Variants in IGFALS observed in about 807,000 individuals in gnomAD.
IGFALS encodes the protein insulin like growth factor binding protein acid labile subunit.
Under a neutral mutation model 2.6 loss-of-function variants are expected in IGFALS, and 2 were observed. The ratio of observed to expected loss-of-function variants is 0.77; its 90% CI spans 0.32 to 2.44. IGFALS has a LOEUF of 2.44. Among genes scored for constraint, IGFALS ranks in the 30% most tolerant of loss-of-function variants. The probability of loss-of-function intolerance (pLI) is 0.11; values close to 1 mark genes in which losing one functional copy is unlikely to be tolerated. For synonymous variants in IGFALS, 519 were observed against 431.9 expected (o/e 1.20, Z -2.50); for missense variants, 996 against 848.7 (o/e 1.17, Z -2.16).
rs2230053 is a variant in IGFALS, at chr16:1,790,852, C to T, written c.1566G>A (p.Thr522=). The T allele has an allele frequency of 8.8e-3, 13,807 of 1,565,800 alleles. 437 individuals are homozygous for T. In the East Asian group the frequency reaches 0.1, roughly 12 times the overall value. The change falls in exon 2 of 2, where the codon ACG becomes ACA. Residue 522 remains threonine (T), a synonymous_variant. Coordinates refer to ENST00000215539, the MANE Select transcript of IGFALS (RefSeq NM_004970.3). Reference sequence around the variant, plus strand: ...GGCGCTCCAGGCCCGGGGGCTGCGGCGTGAAGGTCCGCAGTGAGTTGTTCC... The same window carrying T: ...GGCGCTCCAGGCCCGGGGGCTGCGGTGTGAAGGTCCGCAGTGAGTTGTTCC... The part of the protein sequence containing the change: ...SLRNNSLRTF[T]PQPPGLERLW...
Position 1,792,275 on chromosome 16 carries a change from C to G in IGFALS, c.143G>C (p.Ser48Thr). ...GPACPAACVCSYDDDADELSV... is the reference protein window; with the variant it reads ...GPACPAACVCTYDDDADELSV... ...GAGCTCATCCGCGTCGTCATCGTAGCTGCAGACACAGGCGGCCGGGCACGC... is the reference window on the plus strand; with the variant it reads ...GAGCTCATCCGCGTCGTCATCGTAGGTGCAGACACAGGCGGCCGGGCACGC... The change falls in exon 2 of 2, where the codon AGC (serine) becomes ACC (threonine). Residue 48 changes from serine (S) to threonine (T), a missense_variant. By Grantham distance (58) the Ser-to-Thr change is moderately conservative (BLOSUM62 1). Coordinates refer to ENST00000215539, the MANE Select transcript of IGFALS (RefSeq NM_004970.3). The G allele has an allele frequency of 6.2e-7, 1 of 1,600,656 alleles. No homozygotes were observed. The highest frequency in any genetic ancestry group is 8.5e-7 in the Non-Finnish European group (1 of 1,179,632).
chr16:1,792,451 G>A, intron 1 of IGFALS, 50 bp from the exon 2 acceptor site: 1 of 1,496,720 alleles, frequency 6.7e-7, no homozygotes, highest in South Asian at 1.3e-5. Flanking sequence ...CTCTGCCCGA[G>A]TGAGCCTGAT....
chr16:1,792,037 C>T lies in IGFALS; in HGVS notation c.381G>A (p.Leu127=), dbSNP rs748147670. The change falls in exon 2 of 2, where the codon CTG becomes CTA. Residue 127 remains leucine (L), a synonymous_variant. Coordinates refer to ENST00000215539, the MANE Select transcript of IGFALS (RefSeq NM_004970.3). ...ALLGLENLCH[L]HLERNQLRSL... ...TGCGCAGCTGGTTCCGCTCCAGGTG[C>T]AGGTGGCACAGGTTCTCTAGGCCCA... The T allele has an allele frequency of 1.9e-6, 3 of 1,610,544 alleles. No individual in the cohort carries two copies. Among genetic ancestry groups the T allele is most frequent in the Non-Finnish European group, 2.5e-6 (3 of 1,179,480 alleles).
In IGFALS at chr16:1,791,218, G is replaced by A; in HGVS notation, c.1200C>T (p.Arg400=). Residue 400 remains arginine, a synonymous_variant, in exon 2 of 2, where the codon CGC becomes CGT. Transcript: ENST00000215539. The part of the protein sequence containing the change: ...SLHLEGSCLG[R]IRPHTFTGLS... ...GGCCGGTGAAGGTGTGCGGGCGGATGCGTCCCAGGCAGCTGCCCTCCAGGT... is the reference window on the plus strand; with the variant it reads ...GGCCGGTGAAGGTGTGCGGGCGGATACGTCCCAGGCAGCTGCCCTCCAGGT... The A allele has an allele frequency of 6.2e-7, 1 of 1,608,076 alleles. No homozygotes were observed. Among genetic ancestry groups the A allele is most frequent in the Non-Finnish European group, 8.5e-7 (1 of 1,179,874 alleles).
chr16:1,790,532 G>A lies in IGFALS; in HGVS notation c.*68C>T, dbSNP rs1371178229. The stretch of plus-strand genomic sequence containing the variant: ...CTGGGCAGGCCCCTGAGGACACTGA[G>A]GACCTGTCCCCAGCACAAGGTGAGC... On this transcript the variant is annotated 3_prime_UTR_variant, in exon 2 of 2. Transcript: ENST00000215539. 2.2e-6 allele frequency: 3 copies of A among 1,349,130 alleles called. No homozygotes were observed. Among genetic ancestry groups the A allele is most frequent in the East Asian group, 5.0e-5 (2 of 40,026 alleles). 83.6% of individuals were successfully genotyped at this position (1,349,130 alleles called of 1,614,324 possible).
Position 1,790,783 on chromosome 16 carries a change from C to T in IGFALS, c.1635G>A (p.Lys545=). 1.9e-6 allele frequency: 3 copies of T among 1,578,634 alleles called. No individual in the cohort carries two copies. The highest frequency in any genetic ancestry group is 2.3e-5 in the South Asian group (2 of 86,708). ...TCTGCAGGGCGAAGTCCCGCAGCGC[C>T]TTGAGAGGGCAGCCACAGTCCCAGG... ...GNPWDCGCPL[K]ALRDFALQNP... is the part of the protein sequence containing the mutation. Residue 545 remains lysine (K), a synonymous_variant, in exon 2 of 2, where the codon AAG becomes AAA. Coordinates refer to ENST00000215539, the MANE Select transcript of IGFALS (RefSeq NM_004970.3).
At chr16:1,794,811 C>G, upstream of IGFALS, 1 of 701,968 alleles carries the variant, frequency 1.4e-6, no homozygotes, top group Non-Finnish European at 2.6e-6. Context: ...TTTCCAGGGC[C>G]CTACCCCATC....
chr16:1,791,263 C>T lies in IGFALS; in HGVS notation c.1155G>A (p.Leu385=). 2 of 1,609,218 alleles carry T rather than the reference C, an allele frequency of 1.2e-6. No individual in the cohort carries two copies. The highest frequency in any genetic ancestry group is 2.2e-5 in the East Asian group (1 of 44,870). ...CCAGGTGCAGGCTGTGCAGCTTGCC[C>T]AGGCCCCGGAACACCTGCTCCGGAA... ...RNLPEQVFRG[L]GKLHSLHLEG... is the part of the protein sequence containing the mutation. The change falls in exon 2 of 2, where the codon CTG becomes CTA. Residue 385 remains leucine, a synonymous_variant. Coordinates refer to ENST00000215539, the MANE Select transcript of IGFALS (RefSeq NM_004970.3).
At position 1,792,079 on chromosome 16, in the gene IGFALS, C is replaced by T; in HGVS notation, c.339G>A (p.Leu113=). 1 of 1,609,828 alleles carries T rather than the reference C, an allele frequency of 6.2e-7. No individual in the cohort carries two copies. Among genetic ancestry groups the T allele is most frequent in the Non-Finnish European group, 8.5e-7 (1 of 1,179,142 alleles). ...LNLQGGQLGS[L]EPQALLGLEN... ...CTAGGCCCAGCAGCGCCTGTGGCTC[C>T]AGGCTGCCCAGCTGGCCGCCCTGCA... The change falls in exon 2 of 2, where the codon CTG becomes CTA. Residue 113 remains leucine (L), a synonymous_variant. Transcript: ENST00000215539.
chr16:1,792,157 C>G lies in IGFALS; in HGVS notation c.261G>C (p.Ser87=), dbSNP rs779573837. The G allele has an allele frequency of 6.2e-7, 1 of 1,611,392 alleles. No individual in the cohort carries two copies. The highest frequency in any genetic ancestry group is 8.5e-7 in the Non-Finnish European group (1 of 1,179,704). ...QALWLDGNNL[S]SVPPAAFQNL... The stretch of plus-strand genomic sequence containing the variant: ...TCTGGAAGGCTGCCGGGGGGACGGA[C>G]GAGAGGTTGTTGCCGTCCAGCCACA... The change falls in exon 2 of 2, where the codon TCG becomes TCC. Residue 87 remains serine, a synonymous_variant. Coordinates refer to ENST00000215539, the MANE Select transcript of IGFALS (RefSeq NM_004970.3).
rs776813506 is a variant in IGFALS at position 1,791,782 on chromosome 16, C to T, written c.636G>A (p.Ala212=). The change falls in exon 2 of 2, where the codon GCG becomes GCA. Residue 212 remains alanine, a synonymous_variant. Transcript: ENST00000215539. ...GGAGCTCGGCCAGGCCGCTGAAGAGCGCGGGCTGCAGGTAGGCCAGCCTGT... is the reference window on the plus strand; with the variant it reads ...GGAGCTCGGCCAGGCCGCTGAAGAGTGCGGGCTGCAGGTAGGCCAGCCTGT... ...AGNRLAYLQP[A]LFSGLAELRE... 65 of 1,548,152 alleles carry T rather than the reference C, an allele frequency of 4.2e-5. No individual in the cohort carries two copies. The highest frequency in any genetic ancestry group is 2.4e-4 in the East Asian group (10 of 41,230).
upstream of IGFALS, chr16:1,793,837 T>C (rs1009993852): frequency 1.5e-5 from 8 of 547,306 alleles, no homozygotes; most frequent in South Asian, 2.0e-4. Context: ...CCCGGAGCCC[T>C]GGGGTGCAGA....
Position 1,792,360 on chromosome 16 carries a change from G to A in IGFALS, c.58C>T (p.Leu20=), listed in dbSNP as rs1287532700. 3.1e-6 allele frequency: 5 copies of A among 1,589,084 alleles called. No individual in the cohort carries two copies. Among genetic ancestry groups the A allele is most frequent in the East Asian group, 2.2e-5 (1 of 44,622 alleles). ...GCTCCCTCCAGGCTGCGGGGGCCCAGTGCCACCCAGGACAGCAGCAGCAGC... is the reference window on the plus strand; with the variant it reads ...GCTCCCTCCAGGCTGCGGGGGCCCAATGCCACCCAGGACAGCAGCAGCAGC... The part of the protein sequence containing the change: ...LALLLLSWVA[L]GPRSLEGADP... The change falls in exon 2 of 2, where the codon CTG becomes TTG. Residue 20 remains leucine (L), a synonymous_variant. Coordinates refer to ENST00000215539, the MANE Select transcript of IGFALS (RefSeq NM_004970.3).
chr16:1,794,681 C>T (rs1897294279), upstream of IGFALS, among the ~76,000 whole-genome samples: 1 of 152,194 alleles, frequency 6.6e-6, no homozygotes, highest in Non-Finnish European at 1.5e-5. Context: ...TCCCTGCAGG[C>T]CCCTCCCCTG....
chr16:1,792,130 GTT>G lies in IGFALS; in HGVS notation c.286_287del (p.Asn96ProfsTer85). The G allele has an allele frequency of 6.2e-7, 1 of 1,611,528 alleles. No homozygotes were observed. Among genetic ancestry groups the G allele is most frequent in the Non-Finnish European group, 8.5e-7 (1 of 1,179,652 alleles). On this transcript the variant is annotated frameshift_variant, in exon 2 of 2. Coordinates refer to ENST00000215539, the MANE Select transcript of IGFALS (RefSeq NM_004970.3). LOFTEE classifies it low-confidence loss of function (END_TRUNC). The part of the protein sequence containing the change: ...LSSVPPAAFQ[N>X]LSSLGFLNLQ... Reference sequence around the variant, plus strand: ...GGTTGAGGAAGCCCAGGCTGGAGAGGTTCTGGAAGGCTGCCGGGGGGACGGAC... The same window carrying G: ...GGTTGAGGAAGCCCAGGCTGGAGAGGCTGGAAGGCTGCCGGGGGGACGGAC...
intron 1 of IGFALS, chr16:1,792,603 GCCGCC>G: frequency 1.0e-6 from 1 of 981,576 alleles, no homozygotes; most frequent in Non-Finnish European, 1.4e-6. Context: ...CAGAGGAGTG[GCCGCC>G]CCGCCCCGCT....
chr16:1,791,556 C>T lies in IGFALS; in HGVS notation c.862G>A (p.Gly288Ser), dbSNP rs767507229. ...CGCAGCACACGCAGGCCCAGCAGAC[C>T]GGGGAACGTGTCCTCCAGGAGGCCA... Reference protein sequence around the residue: ...VAGLLEDTFPGLLGLRVLRLS... With the variant: ...VAGLLEDTFPSLLGLRVLRLS... Residue 288 changes from glycine to serine, a missense_variant, in exon 2 of 2, where the codon GGT becomes AGT. Coordinates refer to ENST00000215539, the MANE Select transcript of IGFALS (RefSeq NM_004970.3). The T allele has an allele frequency of 3.6e-5, 57 of 1,571,094 alleles. No homozygotes were observed. The highest frequency in any genetic ancestry group is 2.6e-4 in the East Asian group (11 of 42,028).
rs747166662 is a variant in IGFALS at position 1,790,755 on chromosome 16, G to A, written c.1663C>T (p.Pro555Ser). ...TGGACGAAGCGGGGCACAGCACTGGGGTTCTGCAGGGCGAAGTCCCGCAGC... is the reference window on the plus strand; with the variant it reads ...TGGACGAAGCGGGGCACAGCACTGGAGTTCTGCAGGGCGAAGTCCCGCAGC... ...KALRDFALQN[P>S]SAVPRFVQAI... is the part of the protein sequence containing the mutation. Residue 555 changes from proline to serine, a missense_variant, in exon 2 of 2, where the codon CCC becomes TCC. Pro to Ser is a moderately conservative substitution (Grantham distance 74). Transcript: ENST00000215539. 4 of 1,599,742 alleles carry A rather than the reference G, an allele frequency of 2.5e-6. No homozygotes were observed. Among genetic ancestry groups the A allele is most frequent in the Non-Finnish European group, 2.6e-6 (3 of 1,174,450 alleles).
chr16:1,792,699 C>T (rs1013206714), intron 1 of IGFALS, among the ~76,000 whole-genome samples: 1 of 152,248 alleles, frequency 6.6e-6, no homozygotes, highest in Admixed American at 6.5e-5. Context: ...GCTGTCTGGC[C>T]ATGTGGCAGC....
Sources: gnomAD v4.1 joint callset for allele counts (sites outside exome capture counted in the v4.1 genomes callset) on GRCh38, gnomAD v4.1.1 for gene constraint, MANE v1.5 for transcripts, NCBI Gene and HGNC (gene_info 2026-07-23, HGNC 2026-07-21) for gene names.